Variants in C3orf70 observed in about 807,000 individuals in gnomAD.
C3orf70 encodes chromosome 3 open reading frame 70.
C3orf70 carries 15 observed loss-of-function variants against 20.7 expected under a neutral mutation model. The observed-to-expected ratio is 0.72, with a 90% confidence interval of 0.48 to 1.11. The LOEUF (loss-of-function observed/expected upper bound fraction) is 1.11, where lower values mean the gene tolerates loss of function less well. Ranked by LOEUF, C3orf70 falls within the 50% of genes most tolerant of loss-of-function variation. C3orf70 has a pLI of 0.00. For synonymous variants in C3orf70, 161 were observed against 125.7 expected (o/e 1.28, Z -1.88); for missense variants, 332 against 317.6 (o/e 1.05, Z -0.34).
intron 1 of C3orf70, among the ~76,000 whole-genome samples, chr3:185,110,885 G>C (rs971966563): frequency 2.6e-5 from 4 of 152,308 alleles, no homozygotes; most frequent in Admixed American, 1.3e-4. Context: ...CGAATGGCTG[G>C]CTTGCTGTTA....
Position 185,152,774 on chromosome 3 carries a change from T to G in C3orf70, c.50A>C (p.Lys17Thr). Residue 17 changes from lysine (K) to threonine (T), a missense_variant, in exon 1 of 2, where the codon AAA becomes ACA. Physicochemically the swap from Lys to Thr is moderately conservative, Grantham distance 78 (BLOSUM62 -1). Coordinates refer to ENST00000335012, the MANE Select transcript of C3orf70 (RefSeq NM_001025266.3). ...PASERGWKSE[K>T]LDEAQALARS... is the part of the protein sequence containing the mutation. ...CGCCAGGGCCTGAGCCTCATCTAGT[T>G]TCTCGCTCTTCCAACCCCGCTCCGA... The G allele has an allele frequency of 6.3e-7, 1 of 1,581,750 alleles. No individual in the cohort carries two copies. Among genetic ancestry groups the G allele is most frequent in the Non-Finnish European group, 8.6e-7 (1 of 1,164,606 alleles).
intron 1 of C3orf70, among the ~76,000 whole-genome samples, chr3:185,142,769 CA>C (rs1466314912): frequency 1.3e-5 from 2 of 152,198 alleles, no homozygotes; most frequent in African/African-American, 2.4e-5. Flanking sequence ...GAACAAGACA[CA>C]TGATGTGTTT....
At chr3:185,098,055 G>T (rs575017289) in intron 1 of C3orf70, among the ~76,000 whole-genome samples, 117 of 152,236 alleles carry the variant, frequency 7.7e-4, no homozygotes, top group African/African-American at 2.8e-3. Flanking sequence ...TGGATAAAAG[G>T]TACCACCAGC....
chr3:185,129,221 C>A (rs1482927251), intron 1 of C3orf70, among the ~76,000 whole-genome samples: 3 of 151,992 alleles, frequency 2.0e-5, no homozygotes, highest in Non-Finnish European at 4.4e-5. Context: ...CAATCCTGGC[C>A]CCCCTCCGTC....
chr3:185,084,182 C>CA (rs61480469), intron 1 of C3orf70, among the ~76,000 whole-genome samples: 3,660 of 111,850 alleles, frequency 0.033, 49 homozygotes, highest in African/African-American at 0.049. Flanking sequence ...GACCCTGTCT[C>CA]AAAAAAAAAA....
intron 1 of C3orf70, among the ~76,000 whole-genome samples, chr3:185,096,863 G>A (rs1234427896): frequency 6.6e-6 from 1 of 152,118 alleles, no homozygotes. Context: ...CACCTGCACT[G>A]CAGAGGGCCG....
intron 1 of C3orf70, among the ~76,000 whole-genome samples, chr3:185,143,514 G>T (rs532418741): frequency 1.3e-5 from 2 of 152,134 alleles, no homozygotes. Context: ...ATACAGCTGG[G>T]GGGGTGTTTG....
chr3:185,091,955 ATATATATATTTTTT>A (rs1715596866), intron 1 of C3orf70, among the ~76,000 whole-genome samples: 12 of 9,294 alleles, frequency 1.3e-3, no homozygotes, highest in East Asian at 3.3e-3. Flanking sequence ...ATATATATAT[ATATATATATTTTTT>A]TTTTTTTTTA....
chr3:185,139,153 GAGGAAGGAGGAGC>G (rs1716693576), intron 1 of C3orf70, among the ~76,000 whole-genome samples: 1 of 132,730 alleles, frequency 7.5e-6, no homozygotes, highest in Admixed American at 7.2e-5. Flanking sequence ...GAAGGAGGAG[GAGGAAGGAGGAGC>G]AGAAAGGAGG....
intron 1 of C3orf70, among the ~76,000 whole-genome samples, chr3:185,121,869 G>A (rs372975515): frequency 2.6e-5 from 4 of 152,312 alleles, no homozygotes; most frequent in South Asian, 4.2e-4. Flanking sequence ...GGAGGCCAAG[G>A]CAGGCAGACC....
At chr3:185,094,037 T>C (rs570352257) in intron 1 of C3orf70, among the ~76,000 whole-genome samples, 180 of 149,962 alleles carry the variant, frequency 1.2e-3, no homozygotes, top group Admixed American at 1.8e-3. Flanking sequence ...TAGTACCTAA[T>C]ACAAAGTAAA....
At chr3:185,130,856 T>C (rs901044264) in intron 1 of C3orf70, among the ~76,000 whole-genome samples, 2 of 152,368 alleles carry the variant, frequency 1.3e-5, no homozygotes, top group South Asian at 4.1e-4. Context: ...TGTTTATCCA[T>C]TCATCAATTA....
chr3:185,120,033 A>AAAAAAAAAAAAGAAAAAGAAAG (rs55921240), intron 1 of C3orf70, among the ~76,000 whole-genome samples: 16 of 100,778 alleles, frequency 1.6e-4, no homozygotes, highest in African/African-American at 3.2e-4. Context: ...AAAAAAAAAA[A>AAAAAAAAAAAAGAAAAAGAAAG]AAAAAGAAAA....
chr3:185,077,646 AC>A lies in C3orf70; in HGVS notation c.*5360del, dbSNP rs919679500. Among the ~76,000 whole-genome samples, 3 of 149,486 alleles carry A rather than the reference AC, an allele frequency of 2.0e-5. No homozygotes were observed. Among genetic ancestry groups the A allele is most frequent in the South Asian group, 2.2e-4 (1 of 4,610 alleles). The stretch of plus-strand genomic sequence containing the variant: ...GCCCCTGAGTCTTGGTGACCAAGCG[AC>A]CCCCCCAAGCTCTGCCGGGCAGCAG... On this transcript the variant is annotated 3_prime_UTR_variant, in exon 2 of 2. Transcript: ENST00000335012.
chr3:185,124,586 G>A (rs1451280619), intron 1 of C3orf70, among the ~76,000 whole-genome samples: 2 of 152,028 alleles, frequency 1.3e-5, no homozygotes, highest in Non-Finnish European at 2.9e-5. Context: ...ATAAAATTTC[G>A]AGAAGAACAT....
rs184797461 is a variant in C3orf70 at position 185,083,930 on chromosome 3, C to T, written c.197-367G>A. Among the ~76,000 whole-genome samples the T allele has an allele frequency of 2.2e-3, 335 of 152,236 alleles. 1 individual carries two copies. Among genetic ancestry groups the T allele is most frequent in the African/African-American group, 7.5e-3 (310 of 41,536 alleles). ...TGGTAAAAAATACAAGTTGTACAGC[C>T]GGGCGCAGTGGTTCACGCCTGTAAT... On this transcript the variant is annotated intron_variant, in intron 1 of 1. Transcript: ENST00000335012.
chr3:185,133,264 A>C (rs1716557937), intron 1 of C3orf70, among the ~76,000 whole-genome samples: 1 of 152,252 alleles, frequency 6.6e-6, no homozygotes, highest in Non-Finnish European at 1.5e-5. Flanking sequence ...GAATTTGGCA[A>C]TATCTAATAA....
At chr3:185,144,596 C>G (rs1477910922) in intron 1 of C3orf70, among the ~76,000 whole-genome samples, 1 of 152,196 alleles carries the variant, frequency 6.6e-6, no homozygotes, top group Non-Finnish European at 1.5e-5. Context: ...CTCAGCCTCC[C>G]AAGTAGCTGG....
chr3:185,098,609 T>A (rs1715758473), intron 1 of C3orf70, among the ~76,000 whole-genome samples: 1 of 151,950 alleles, frequency 6.6e-6, no homozygotes, highest in Admixed American at 6.5e-5. Context: ...CAGTTGATAT[T>A]TTTATGAATC....
Sources: allele counts gnomAD v4.1 joint callset (sites outside exome capture counted in the v4.1 genomes callset), GRCh38; gene constraint gnomAD v4.1.1; transcripts MANE v1.5; gene names NCBI Gene and HGNC (gene_info 2026-07-23, HGNC 2026-07-21).